The following UBA6 variants were observed in gnomAD, a reference collection of about 807,000 sequenced individuals.
UBA6 encodes the protein ubiquitin-like modifier-activating enzyme 6.
In UBA6, 87 loss-of-function variants were observed where a neutral mutation model predicts 148.3. The observed-to-expected ratio is 0.59, with a 90% CI of 0.49 to 0.70. The LOEUF (loss-of-function observed/expected upper bound fraction) is 0.70. Ranked by LOEUF, UBA6 falls within the 30% of genes least tolerant of loss-of-function variation. UBA6 has a pLI of 0.00. For missense variants in UBA6, 1,186 were observed against 1,241.2 expected, an observed-to-expected ratio of 0.96 and a Z score of 0.67; for synonymous variants, 376 against 401.0, an observed-to-expected ratio of 0.94 and a Z score of 0.75.
At chr4:67,690,792 A>AAACAAAACAT (rs1730676970) in intron 2 of UBA6, among the ~76,000 whole-genome samples, 1 of 152,092 alleles carries the variant, frequency 6.6e-6, no homozygotes, top group African/African-American at 2.4e-5. Flanking sequence ...AAACAAAACA[A>AAACAAAACAT]AACATAACAA....
At chr4:67,619,339 T>C (rs569250107) in intron 32 of UBA6, among the ~76,000 whole-genome samples, 2 of 152,192 alleles carry the variant, frequency 1.3e-5, no homozygotes, top group Admixed American at 1.3e-4. Flanking sequence ...GTGAATAAAT[T>C]TGGACACACT....
At chr4:67,696,492 T>A (rs9761508) in intron 2 of UBA6, among the ~76,000 whole-genome samples, 153 bp downstream of exon 2, 1 of 149,132 alleles carries the variant, frequency 6.7e-6, no homozygotes, top group Non-Finnish European at 1.5e-5. Context: ...TACACACACA[T>A]ATATATACAC....
At chr4:67,646,879 G>A (rs755449903) in intron 14 of UBA6, 88 bp from the exon 15 acceptor site, 10 of 636,390 alleles carry the variant, frequency 1.6e-5, no homozygotes, top group Non-Finnish European at 2.1e-5. Flanking sequence ...TAATAGTCAT[G>A]AAGAAAAAAA....
chr4:67,700,540 TTC>T (rs200658516), intron 1 of UBA6, among the ~76,000 whole-genome samples: 34,548 of 147,070 alleles, frequency 0.23, 4,076 homozygotes, highest in Middle Eastern at 0.31. Flanking sequence ...CTTTTTTTTT[TTC>T]CTTCTTCCGA....
chr4:67,616,372 A>G lies in UBA6; in HGVS notation c.*2625T>C. 1 of 352,798 alleles carries G rather than the reference A, an allele frequency of 2.8e-6. No homozygotes were observed. The allele number at this position is 352,798 out of a possible 1,614,324, so 21.9% of individuals were successfully genotyped here. ...CTATCTTCATTTTACTAATTATAAAATAAACATAGTTGCTTTTTTAATGTT... is the reference window on the plus strand; with the variant it reads ...CTATCTTCATTTTACTAATTATAAAGTAAACATAGTTGCTTTTTTAATGTT... On this transcript the variant is annotated 3_prime_UTR_variant, in exon 33 of 33. Transcript: ENST00000322244.
At chr4:67,691,023 A>T (rs1454808686) in intron 2 of UBA6, among the ~76,000 whole-genome samples, 2 of 152,198 alleles carry the variant, frequency 1.3e-5, no homozygotes, top group African/African-American at 4.8e-5. Context: ...CAATGTACAC[A>T]GAGTTAAAAA....
intron 17 of UBA6, 86 bp downstream of exon 17, chr4:67,644,612 T>G (rs1729378572): frequency 1.4e-6 from 1 of 724,768 alleles, no homozygotes; most frequent in African/African-American, 1.8e-5. Flanking sequence ...AAAAAACTGA[T>G]ACTTCAGATT....
chr4:67,623,983 T>G (rs923977462), intron 30 of UBA6, 143 bp downstream of exon 30: 1 of 565,486 alleles, frequency 1.8e-6, no homozygotes, highest in Non-Finnish European at 2.9e-6. Context: ...AAGATGAGGT[T>G]TGAGCTGATC....
In UBA6 at chr4:67,663,910, A is replaced by G; in HGVS notation, c.935T>C (p.Leu312Pro). Residue 312 changes from leucine to proline, a missense_variant, in exon 11 of 33, where the codon CTT (leucine) becomes CCT (proline). Transcript: ENST00000322244. The stretch of plus-strand genomic sequence containing the variant: ...CTCAGGGTTGCTAAAATCCACAATA[A>G]GGCACTTTGGATGTTTTAACTGCCT... ...LERQLKHPKC[L>P]IVDFSNPEAP... 1 of 1,613,562 alleles carries G rather than the reference A, an allele frequency of 6.2e-7. No homozygotes were observed. The highest frequency in any genetic ancestry group is 1.7e-4 in the Middle Eastern group (1 of 6,056).
In UBA6 at chr4:67,615,665, A is replaced by G. The variant is rs1728610683; in HGVS notation, c.*3332T>C. ...AGTAAATAAATTGTGGCATATTAAC[A>G]GAAAAGTAAATTACACAGACATAAT... On this transcript the variant is annotated 3_prime_UTR_variant, in exon 33 of 33. Coordinates refer to ENST00000322244, the MANE Select transcript of UBA6 (RefSeq NM_018227.6). 6.5e-6 allele frequency: 1 copy of G among 152,760 alleles called. No individual in the cohort carries two copies. The highest frequency in any genetic ancestry group is 1.5e-5 in the Non-Finnish European group (1 of 68,424). 9.5% of individuals were successfully genotyped at this position (152,760 alleles called of 1,614,324 possible).
In UBA6 at chr4:67,701,124, G is replaced by A. The variant is rs776154239; in HGVS notation, c.-5C>T. 3.7e-6 allele frequency: 6 copies of A among 1,612,416 alleles called. No homozygotes were observed. Among genetic ancestry groups the A allele is most frequent in the Middle Eastern group, 1.7e-4 (1 of 6,054 alleles). On this transcript the variant is annotated 5_prime_UTR_variant, in exon 1 of 33. Transcript: ENST00000322244. ...CACAGGCTCGGATCCTTCCATTGCC[G>A]CCTGAGACACCGCCGCCGGCTACTG...
At chr4:67,668,408 T>A in intron 9 of UBA6, 143 bp downstream of exon 9, 1 of 710,532 alleles carries the variant, frequency 1.4e-6, no homozygotes, top group Non-Finnish European at 2.3e-6. Flanking sequence ...TGTTTAACAA[T>A]GTCTTCACTT....
At chr4:67,644,819 C>T (rs960281782) in intron 16 of UBA6, 41 bp from the exon 17 acceptor site, 2 of 982,078 alleles carry the variant, frequency 2.0e-6, no homozygotes, top group African/African-American at 1.6e-5. Flanking sequence ...TTAAAATAAC[C>T]TATCTGTGAA....
intron 19 of UBA6, among the ~76,000 whole-genome samples, chr4:67,637,989 G>A (rs930917719): frequency 2.6e-5 from 4 of 151,020 alleles, no homozygotes; most frequent in Non-Finnish European, 5.9e-5. Context: ...GGCTGAAACT[G>A]AAAGGATGAA....
chr4:67,655,256 C>A (rs1399136752), intron 13 of UBA6, among the ~76,000 whole-genome samples: 1 of 152,278 alleles, frequency 6.6e-6, no homozygotes, highest in East Asian at 1.9e-4. Context: ...AGCACTACAT[C>A]GCACTTATTC....
At chr4:67,700,693 G>A (rs1730958368) in intron 1 of UBA6, among the ~76,000 whole-genome samples, 1 of 152,146 alleles carries the variant, frequency 6.6e-6, no homozygotes, top group Non-Finnish European at 1.5e-5. Flanking sequence ...AGGAGGAAAG[G>A]TGCTTGGCAC....
chr4:67,694,537 G>A (rs28517322), intron 2 of UBA6, among the ~76,000 whole-genome samples: 1,892 of 146,840 alleles, frequency 0.013, 48 homozygotes, highest in African/African-American at 0.044. Flanking sequence ...GATTACAGGC[G>A]CCCGCCACCG....
chr4:67,696,757 T>C (rs192684790), intron 1 of UBA6, 50 bp from the exon 2 acceptor site: 950 of 1,455,220 alleles, frequency 6.5e-4, no homozygotes, highest in Admixed American at 2.3e-3. Context: ...TAATGTAATA[T>C]TTGATTACTT....
intron 13 of UBA6, among the ~76,000 whole-genome samples, chr4:67,653,473 A>G (rs1729607547): frequency 6.6e-6 from 1 of 152,216 alleles, no homozygotes; most frequent in Admixed American, 6.5e-5. Context: ...TAACAAACAG[A>G]AAGGAATAGC....
Sources: allele counts gnomAD v4.1 joint callset (sites outside exome capture counted in the v4.1 genomes callset), GRCh38; gene constraint gnomAD v4.1.1; transcripts MANE v1.5; gene names NCBI Gene and HGNC (gene_info 2026-07-23, HGNC 2026-07-21).